Variants in CSNK1A1 observed in about 807,000 individuals in gnomAD.
CSNK1A1 encodes the protein casein kinase 1 alpha 1, also known as casein kinase I isoform alpha.
A neutral mutation model predicts 46.1 loss-of-function variants in CSNK1A1; 7 were observed. The observed-to-expected ratio is 0.15, with a 90% CI of 0.09 to 0.29. The LOEUF is 0.29. Among genes scored for constraint, CSNK1A1 ranks in the 10% least tolerant of loss-of-function variants. The probability of loss-of-function intolerance (pLI) is 1.00; values close to 1 mark genes in which losing one functional copy is unlikely to be tolerated. For missense variants in CSNK1A1, 96 were observed against 417.1 expected, an observed-to-expected ratio of 0.23 and a Z score of 6.71; for synonymous variants, 137 against 141.5, an observed-to-expected ratio of 0.97 and a Z score of 0.23.
intron 2 of CSNK1A1, among the ~76,000 whole-genome samples, chr5:149,548,870 G>T (rs529367315): frequency 6.6e-6 from 1 of 152,312 alleles, no homozygotes; most frequent in South Asian, 2.1e-4. Context: ...AGAGGCTCCA[G>T]TAAACAGTAA....
At chr5:149,519,033 C>T (rs1761484200) in intron 4 of CSNK1A1, among the ~76,000 whole-genome samples, 1 of 151,698 alleles carries the variant, frequency 6.6e-6, no homozygotes, top group Non-Finnish European at 1.5e-5. Flanking sequence ...AATTACCAGG[C>T]TTTACAGTAA....
intron 9 of CSNK1A1, among the ~76,000 whole-genome samples, chr5:149,499,554 G>A (rs1760757913): frequency 6.6e-6 from 1 of 151,824 alleles, no homozygotes; most frequent in African/African-American, 2.4e-5. Flanking sequence ...TTAAAGCCAG[G>A]AGTTCCAAAT....
chr5:149,508,275 G>A (rs1761100445), intron 7 of CSNK1A1, among the ~76,000 whole-genome samples: 1 of 152,090 alleles, frequency 6.6e-6, no homozygotes, highest in Non-Finnish European at 1.5e-5. Flanking sequence ...ATATACATAT[G>A]TTAAAAGATG....
intron 9 of CSNK1A1, chr5:149,497,596 T>A: frequency 2.0e-6 from 2 of 985,448 alleles, no homozygotes. Context: ...AACCACACTT[T>A]ATCTACAGCT....
chr5:149,538,039 TGA>T (rs1343824647), intron 2 of CSNK1A1, among the ~76,000 whole-genome samples: 3 of 144,088 alleles, frequency 2.1e-5, no homozygotes, highest in South Asian at 2.3e-4. Flanking sequence ...TTTTTTTTTT[TGA>T]GACGGAGTTT....
At chr5:149,533,339 T>C (rs1391832711) in intron 2 of CSNK1A1, among the ~76,000 whole-genome samples, 1 of 151,990 alleles carries the variant, frequency 6.6e-6, no homozygotes, top group Non-Finnish European at 1.5e-5. Flanking sequence ...GGGCACAAAT[T>C]ATGGGGATCT....
chr5:149,534,048 T>C (rs530031218), intron 2 of CSNK1A1, among the ~76,000 whole-genome samples: 1 of 152,316 alleles, frequency 6.6e-6, no homozygotes, highest in African/African-American at 2.4e-5. Context: ...AGAAACAAAC[T>C]GTACAGCTTA....
In CSNK1A1 at chr5:149,523,557, T is replaced by A. The variant is rs74874292; in HGVS notation, c.357+1488A>T. ...TTGAGTTTGTTTTGTGCCACAAATATCACAATTTGCTCACATTTGCTTGAG... is the reference window on the plus strand; with the variant it reads ...TTGAGTTTGTTTTGTGCCACAAATAACACAATTTGCTCACATTTGCTTGAG... On this transcript the variant is annotated intron_variant, in intron 3 of 9. Transcript: ENST00000377843. Among the ~76,000 whole-genome samples the A allele has an allele frequency of 0.016, 2,461 of 152,350 alleles. 269 individuals carry two copies. In the East Asian group the frequency reaches 0.32, roughly 20 times the overall value.
chr5:149,551,315 C>T lies in CSNK1A1; in HGVS notation c.-351G>A, dbSNP rs1019401227. The T allele has an allele frequency of 4.2e-6, 1 of 236,398 alleles. No individual in the cohort carries two copies. The highest frequency in any genetic ancestry group is 2.3e-5 in the African/African-American group (1 of 43,152). 14.6% of individuals were successfully genotyped at this position (236,398 alleles called of 1,614,324 possible). ...GCGATACCGCTGCCACCACTGCCGC[C>T]GGCTCCGGCCCAGAGGGACCCCTGT... is the stretch of plus-strand genomic sequence containing the variant. On this transcript the variant is annotated 5_prime_UTR_variant, in exon 1 of 10. Coordinates refer to ENST00000377843, the MANE Select transcript of CSNK1A1 (RefSeq NM_001892.6).
chr5:149,513,336 G>C, intron 4 of CSNK1A1, 127 bp from the exon 5 acceptor site: 1 of 892,442 alleles, frequency 1.1e-6, no homozygotes. Flanking sequence ...AGTATTAATA[G>C]AACAGATAAT....
At position 149,496,743 on chromosome 5, in the gene CSNK1A1, T is replaced by C. The variant is rs1760664135; in HGVS notation, c.*110A>G. On this transcript the variant is annotated 3_prime_UTR_variant, in exon 10 of 10. Coordinates refer to ENST00000377843, the MANE Select transcript of CSNK1A1 (RefSeq NM_001892.6). ...TAAGTTCTTTACACCAAGTAAATGG[T>C]TGTCCACAACCACTGGCTAGTGTAC... 1 of 1,438,998 alleles carries C rather than the reference T, an allele frequency of 6.9e-7. No individual in the cohort carries two copies. Among genetic ancestry groups the C allele is most frequent in the Non-Finnish European group, 9.3e-7 (1 of 1,077,014 alleles). 89.1% of individuals were successfully genotyped at this position (1,438,998 alleles called of 1,614,324 possible). A position where few individuals can be genotyped will look rare whatever the true frequency, so the allele number is the denominator to read the frequency against.
At position 149,525,784 on chromosome 5, in the gene CSNK1A1, TAAG is replaced by T. The variant is rs1255464273; in HGVS notation, c.231-616_231-614del. 1.3e-5 allele frequency among the ~76,000 whole-genome samples: 2 copies of T among 152,316 alleles called. No individual in the cohort carries two copies. The highest frequency in any genetic ancestry group is 3.9e-4 in the East Asian group (2 of 5,192). On this transcript the variant is annotated intron_variant, in intron 2 of 9. Transcript: ENST00000377843. This position sits in a 1 kb window ranked among gnomAD's most constrained non-coding sequence, Gnocchi z 4.2. The stretch of plus-strand genomic sequence containing the variant: ...ATTACTGTATACAATGTGTCCCTAA[TAAG>T]AAGTATCAACTGCCAATTTCATTTA...
At chr5:149,531,693 C>CAAAAAAAA (rs60488526) in intron 2 of CSNK1A1, among the ~76,000 whole-genome samples, 1 of 136,660 alleles carries the variant, frequency 7.3e-6, no homozygotes. Context: ...ACTAAAAATA[C>CAAAAAAAA]AAAAAAAAAA....
chr5:149,531,518 CAAAAAAAAAA>C (rs1265023173), intron 2 of CSNK1A1, among the ~76,000 whole-genome samples: 8 of 121,284 alleles, frequency 6.6e-5, no homozygotes, highest in Admixed American at 4.1e-4. Context: ...AACTCTGTCT[CAAAAAAAAAA>C]GAAAGAAAGA....
At chr5:149,523,550 A>G (rs905404437) in intron 3 of CSNK1A1, among the ~76,000 whole-genome samples, 12 of 152,210 alleles carry the variant, frequency 7.9e-5, no homozygotes, top group Non-Finnish European at 1.6e-4. Flanking sequence ...GTTTTGTGCC[A>G]CAAATATCAC....
At chr5:149,538,472 T>C (rs2113167163) in intron 2 of CSNK1A1, among the ~76,000 whole-genome samples, 1 of 152,308 alleles carries the variant, frequency 6.6e-6, no homozygotes, top group African/African-American at 2.4e-5. Flanking sequence ...GAGCTCTCGT[T>C]TGAAGAATAG....
At position 149,505,539 on chromosome 5, in the gene CSNK1A1, G is replaced by A. The variant is rs779281905; in HGVS notation, c.914C>T (p.Ala305Val). ...TFDWTMLKQK[A>V]AQQAASSSGQ... ...ACTGGAAGAGGCTGCCTGCTGTGCTGCTTTCTGCTTTAACATTGTCCAATC... is the reference window on the plus strand; with the variant it reads ...ACTGGAAGAGGCTGCCTGCTGTGCTACTTTCTGCTTTAACATTGTCCAATC... The change falls in exon 9 of 10, where the codon GCA (alanine) becomes GTA (valine). Residue 305 changes from alanine (A) to valine (V), a missense_variant. Transcript: ENST00000377843. 1 of 1,614,092 alleles carries A rather than the reference G, an allele frequency of 6.2e-7. No homozygotes were observed. Among genetic ancestry groups the A allele is most frequent in the African/African-American group, 1.3e-5 (1 of 75,012 alleles).
chr5:149,511,388 TAA>T (rs1247105018), intron 6 of CSNK1A1, among the ~76,000 whole-genome samples: 1 of 134,550 alleles, frequency 7.4e-6, no homozygotes, highest in Non-Finnish European at 1.5e-5. Context: ...AAAGTAACAG[TAA>T]ACTCCTAGCT....
intron 7 of CSNK1A1, among the ~76,000 whole-genome samples, chr5:149,509,407 T>C (rs7724908): frequency 0.11 from 16,410 of 152,112 alleles, 1,071 homozygotes; most frequent in African/African-American, 0.16. Flanking sequence ...GACAGAGTCT[T>C]ACTCTGTTAC....
Sources: allele counts gnomAD v4.1 joint callset (sites outside exome capture counted in the v4.1 genomes callset), GRCh38; gene constraint gnomAD v4.1.1; non-coding constraint Gnocchi (gnomAD v3.1); transcripts MANE v1.5; gene names NCBI Gene and HGNC (gene_info 2026-07-23, HGNC 2026-07-21).